The following SUPT3H variants were observed in gnomAD, a reference collection of about 807,000 sequenced individuals.
SUPT3H encodes transcription initiation protein SPT3 homolog.
A neutral mutation model predicts 44.3 loss-of-function variants in SUPT3H; 44 were observed. The ratio of observed to expected loss-of-function variants is 0.99; its 90% CI spans 0.78 to 1.28. The LOEUF is 1.28. SUPT3H is among the 50% of genes most tolerant of loss of function. The pLI is 0.00. For synonymous variants in SUPT3H, 124 were observed against 125.6 expected, an observed-to-expected ratio of 0.99 and a Z score of 0.09; for missense variants, 380 against 387.1, an observed-to-expected ratio of 0.98 and a Z score of 0.15.
At chr6:45,262,571 T>C (rs1774553910) in intron 2 of SUPT3H, among the ~76,000 whole-genome samples, 1 of 152,098 alleles carries the variant, frequency 6.6e-6, no homozygotes, top group Non-Finnish European at 1.5e-5. Flanking sequence ...GAAGAAAACC[T>C]AGCGTACCTA....
chr6:45,129,290 C>T (rs1803030925), intron 2 of SUPT3H, among the ~76,000 whole-genome samples: 1 of 152,192 alleles, frequency 6.6e-6, no homozygotes, highest in Non-Finnish European at 1.5e-5. Context: ...TTACTCACTA[C>T]TGATGTATGT....
chr6:45,287,304 G>C (rs555258763), intron 2 of SUPT3H, among the ~76,000 whole-genome samples: 3 of 151,600 alleles, frequency 2.0e-5, no homozygotes, highest in Non-Finnish European at 4.4e-5. Flanking sequence ...GGCTGATATC[G>C]GTACTCTGAT....
chr6:44,936,117 G>T (rs1442924022), intron 9 of SUPT3H, among the ~76,000 whole-genome samples: 1 of 152,248 alleles, frequency 6.6e-6, no homozygotes, highest in Non-Finnish European at 1.5e-5. Context: ...CTAACATTTT[G>T]CAGACCACAA....
At chr6:44,814,602 C>T (rs935180357) in intron 11 of SUPT3H, among the ~76,000 whole-genome samples, 2 of 152,116 alleles carry the variant, frequency 1.3e-5, no homozygotes, top group Admixed American at 6.5e-5. Context: ...TGGACTTGTC[C>T]GAATCATTCT....
rs369201196 is a variant in SUPT3H at position 44,830,021 on chromosome 6, T to C, written c.913-164A>G. On this transcript the variant is annotated intron_variant, in intron 10 of 10. Transcript: ENST00000371459. ...TCTGGTGGCAAAACTATAGCAACCATTCTGTCTATTAAAAAGTCAGTGTGG... is the reference window on the plus strand; with the variant it reads ...TCTGGTGGCAAAACTATAGCAACCACTCTGTCTATTAAAAAGTCAGTGTGG... The C allele has an allele frequency of 2.3e-4, 147 of 633,478 alleles. No homozygotes were observed. The African/African-American group carries it at 2.5e-3, about 11-fold the overall frequency. 39.2% of individuals were successfully genotyped at this position (633,478 alleles called of 1,614,324 possible).
intron 5 of SUPT3H, among the ~76,000 whole-genome samples, chr6:45,012,892 T>A (rs1462770055): frequency 6.6e-6 from 1 of 152,144 alleles, no homozygotes; most frequent in Non-Finnish European, 1.5e-5. Flanking sequence ...GCCTCTGATG[T>A]TGTTCTTCAG....
At chr6:45,295,942 A>G (rs1781119127) in intron 2 of SUPT3H, among the ~76,000 whole-genome samples, 1 of 152,152 alleles carries the variant, frequency 6.6e-6, no homozygotes, top group Non-Finnish European at 1.5e-5. Flanking sequence ...AACTAAAAGT[A>G]GAACTACCAT....
At chr6:44,867,966 T>TA (rs1775766370) in intron 10 of SUPT3H, among the ~76,000 whole-genome samples, 1 of 6,136 alleles carries the variant, frequency 1.6e-4, no homozygotes. Flanking sequence ...CATTTTGGTA[T>TA]TTTTTTTTTT....
intron 3 of SUPT3H, among the ~76,000 whole-genome samples, chr6:45,050,861 GTA>G (rs1460546179): frequency 6.9e-6 from 1 of 145,916 alleles, no homozygotes; most frequent in East Asian, 2.1e-4. Context: ...GTCCTTGTGT[GTA>G]TAAGAGGGTA....
At chr6:44,893,660 T>G (rs1763668935) in intron 10 of SUPT3H, among the ~76,000 whole-genome samples, 1 of 150,948 alleles carries the variant, frequency 6.6e-6, no homozygotes, top group Admixed American at 6.6e-5. Flanking sequence ...TTTGCTATTG[T>G]GAATAATGCC....
intron 10 of SUPT3H, among the ~76,000 whole-genome samples, chr6:44,920,201 AAC>A (rs1322988962): frequency 6.6e-6 from 1 of 152,020 alleles, no homozygotes; most frequent in Non-Finnish European, 1.5e-5. Flanking sequence ...ATTTTTCTAC[AAC>A]ACAGAGCTGT....
chr6:45,044,575 A>G (rs1789081573), intron 3 of SUPT3H, among the ~76,000 whole-genome samples: 1 of 152,216 alleles, frequency 6.6e-6, no homozygotes, highest in African/African-American at 2.4e-5. Flanking sequence ...TATTGAATGA[A>G]TGAGTCAGGC....
At chr6:45,157,353 T>C (rs1215092942) in intron 2 of SUPT3H, among the ~76,000 whole-genome samples, 1 of 151,876 alleles carries the variant, frequency 6.6e-6, no homozygotes. Context: ...TATCATCAGA[T>C]CATACATTTA....
At chr6:45,075,885 T>G (rs1302913726) in intron 3 of SUPT3H, among the ~76,000 whole-genome samples, 1 of 152,086 alleles carries the variant, frequency 6.6e-6, no homozygotes, top group African/African-American at 2.4e-5. Context: ...AAAATTACTA[T>G]GCTTGTGTGT....
intron 2 of SUPT3H, among the ~76,000 whole-genome samples, chr6:45,310,229 C>T (rs1783728708): frequency 2.0e-5 from 3 of 152,134 alleles, no homozygotes; most frequent in African/African-American, 7.2e-5. Flanking sequence ...TATACAATTC[C>T]AGTGACCTGG....
chr6:45,226,947 C>T (rs1016802550), intron 2 of SUPT3H, among the ~76,000 whole-genome samples: 1 of 151,820 alleles, frequency 6.6e-6, no homozygotes, highest in Non-Finnish European at 1.5e-5. Context: ...CAGTGAGCTA[C>T]GATCATGCCA....
intron 3 of SUPT3H, among the ~76,000 whole-genome samples, chr6:45,087,006 C>T (rs1214318970): frequency 6.6e-6 from 1 of 151,830 alleles, no homozygotes; most frequent in Non-Finnish European, 1.5e-5. Flanking sequence ...ACAAGCCAAT[C>T]TTTCTTTCAA....
intron 10 of SUPT3H, among the ~76,000 whole-genome samples, chr6:44,891,172 A>C (rs745452194): frequency 1.3e-5 from 2 of 152,130 alleles, no homozygotes; most frequent in Non-Finnish European, 2.9e-5. Context: ...AAAAGAAATA[A>C]AAAATAAAAT....
intron 2 of SUPT3H, among the ~76,000 whole-genome samples, chr6:45,261,680 C>A (rs899769061): frequency 6.6e-6 from 1 of 152,068 alleles, no homozygotes; most frequent in Non-Finnish European, 1.5e-5. Context: ...GACAAAGATG[C>A]CACCACTCTC....
Sources: gnomAD v4.1 joint callset for allele counts (sites outside exome capture counted in the v4.1 genomes callset) on GRCh38, gnomAD v4.1.1 for gene constraint, MANE v1.5 for transcripts, NCBI Gene and HGNC (gene_info 2026-07-23, HGNC 2026-07-21) for gene names.